Variants in TCHP observed in about 807,000 individuals in gnomAD.
TCHP encodes trichoplein keratin filament-binding protein.
A neutral mutation model predicts 88.7 loss-of-function variants in TCHP; 81 were observed. The ratio of observed to expected loss-of-function variants is 0.91; its 90% CI spans 0.76 to 1.10. The LOEUF is 1.10. Ranked by LOEUF, TCHP falls within the 50% of genes least tolerant of loss-of-function variation. The pLI is 0.00. For missense variants in TCHP, 641 were observed against 632.1 expected, an observed-to-expected ratio of 1.01 and a Z score of -0.15; for synonymous variants, 232 against 232.5, an observed-to-expected ratio of 1.00 and a Z score of 0.02.
upstream of TCHP, among the ~76,000 whole-genome samples, chr12:109,900,015 C>T (rs1334125961): frequency 2.0e-5 from 3 of 152,144 alleles, no homozygotes; most frequent in Non-Finnish European, 4.4e-5. Flanking sequence ...AGGCTGGTAT[C>T]TGGTGATTCT....
the TCHP span, among the ~76,000 whole-genome samples, chr12:109,890,300 CAAAAAAAA>C: frequency 1.1e-5 from 1 of 89,322 alleles, no homozygotes; most frequent in South Asian, 3.3e-4. Context: ...CTCATCTCTA[CAAAAAAAA>C]AAAAAAAAAA....
chr12:109,907,537 C>T lies in TCHP; in HGVS notation c.537C>T (p.Thr179=), dbSNP rs755400078. 1.4e-5 allele frequency: 23 copies of T among 1,613,928 alleles called. No homozygotes were observed. The highest frequency in any genetic ancestry group is 4.0e-5 in the African/African-American group (3 of 74,892). The part of the protein sequence containing the change: ...QKEEKKQQEA[T]AEQENKRYEN... Reference sequence around the variant, plus strand: ...TTGGTCCCTTGTAGCAAGAAGCCACCGCAGAGCAAGAGAACAAACGGTATG... The same window carrying T: ...TTGGTCCCTTGTAGCAAGAAGCCACTGCAGAGCAAGAGAACAAACGGTATG... Residue 179 remains threonine (T), a synonymous_variant, in exon 6 of 13, where the codon ACC becomes ACT. Transcript: ENST00000405876.
In TCHP at chr12:109,917,273, AT is replaced by A; in HGVS notation, c.*652del. The A allele has an allele frequency of 6.6e-6, 1 of 152,204 alleles. No homozygotes were observed. The highest frequency in any genetic ancestry group is 1.5e-5 in the Non-Finnish European group (1 of 68,066). 9.4% of individuals were successfully genotyped at this position (152,204 alleles called of 1,614,324 possible). A position where few individuals can be genotyped will look rare whatever the true frequency, so the allele number is the denominator to read the frequency against. ...CATTTTGGTAGAATTTCCATAGAGC[AT>A]TGTCTGTGAGTGACTGATCCCAACA... On this transcript the variant is annotated 3_prime_UTR_variant, in exon 13 of 13. Coordinates refer to ENST00000405876, the MANE Select transcript of TCHP (RefSeq NM_001143852.2).
At chr12:109,915,066 A>G (rs1015626492) in intron 11 of TCHP, 3 of 461,388 alleles carry the variant, frequency 6.5e-6, no homozygotes, top group Admixed American at 3.6e-5. Context: ...TACGAGGTAC[A>G]TGCCATGCAT....
upstream of TCHP, among the ~76,000 whole-genome samples, chr12:109,897,306 A>G (rs572136747): frequency 5.9e-5 from 9 of 152,344 alleles, no homozygotes; most frequent in East Asian, 1.7e-3. Flanking sequence ...TCTGGCCAGC[A>G]AAAGAGAATG....
upstream of TCHP, among the ~76,000 whole-genome samples, chr12:109,897,286 G>A (rs995420687): frequency 6.6e-5 from 10 of 152,204 alleles, no homozygotes; most frequent in African/African-American, 1.4e-4. Flanking sequence ...TGTGGGGGCC[G>A]GTGAGGATGT....
Position 109,917,668 on chromosome 12 carries a change from T to A in TCHP, c.*1045T>A, listed in dbSNP as rs985375983. ...CACCATTATATCAGCGTGATACAGG[T>A]CTACATTCATTTCTACAAACAGGAA... On this transcript the variant is annotated 3_prime_UTR_variant, in exon 13 of 13. Coordinates refer to ENST00000405876, the MANE Select transcript of TCHP (RefSeq NM_001143852.2). The A allele has an allele frequency of 1.3e-5, 2 of 152,596 alleles. No homozygotes were observed. Among genetic ancestry groups the A allele is most frequent in the Non-Finnish European group, 2.9e-5 (2 of 68,036 alleles). 9.5% of individuals were successfully genotyped at this position (152,596 alleles called of 1,614,324 possible). A position where few individuals can be genotyped will look rare whatever the true frequency, so the allele number is the denominator to read the frequency against.
upstream of TCHP, among the ~76,000 whole-genome samples, chr12:109,897,526 A>G (rs916066589): frequency 1.3e-5 from 2 of 151,368 alleles, no homozygotes; most frequent in East Asian, 1.9e-4. Context: ...CCTTGCCCCA[A>G]CTCACATATT....
the TCHP span, among the ~76,000 whole-genome samples, chr12:109,893,151 G>A: frequency 4.6e-5 from 7 of 152,212 alleles, no homozygotes; most frequent in South Asian, 8.3e-4. Flanking sequence ...AGGCTGAGGT[G>A]GGTGGATCAC....
At chr12:109,887,018 ATTG>A in the TCHP span, among the ~76,000 whole-genome samples, 2 of 152,042 alleles carry the variant, frequency 1.3e-5, no homozygotes, top group Non-Finnish European at 2.9e-5. Flanking sequence ...AGATGTGCTT[ATTG>A]TTATCGGGGT....
chr12:109,892,781 G>A, the TCHP span, among the ~76,000 whole-genome samples: 1 of 152,176 alleles, frequency 6.6e-6, no homozygotes, highest in African/African-American at 2.4e-5. Flanking sequence ...ACTACTCTAA[G>A]CCTCAGTGGG....
intron 6 of TCHP, among the ~76,000 whole-genome samples, chr12:109,908,300 C>G (rs1185361156): frequency 6.6e-6 from 1 of 152,190 alleles, no homozygotes; most frequent in Non-Finnish European, 1.5e-5. Flanking sequence ...GTCCTGACCT[C>G]CTGGTGGGGG....
rs577921605 is a variant in TCHP, at chr12:109,905,680, C to A, written c.456+887C>A. Among the ~76,000 whole-genome samples, 1 of 152,300 alleles carries A rather than the reference C, an allele frequency of 6.6e-6. No homozygotes were observed. The highest frequency in any genetic ancestry group is 2.1e-4 in the South Asian group (1 of 4,826). On this transcript the variant is annotated intron_variant, in intron 4 of 12. Coordinates refer to ENST00000405876, the MANE Select transcript of TCHP (RefSeq NM_001143852.2). The surrounding 1 kb of genome is among the most constrained non-coding windows in gnomAD (Gnocchi z 4.0). ...GGTGCCTTCGTGTTATTCGTAGTTA[C>A]ATTTAGAAATCGCCAGGCACTAAAT...
rs1870050898 is a variant in TCHP at position 109,905,043 on chromosome 12, C to T, written c.456+250C>T. ...CGGGCATGGAGATTAGACATGGTTT[C>T]TGCTCATTAGCTTGTGTCCAGCATG... On this transcript the variant is annotated intron_variant, in intron 4 of 12. Transcript: ENST00000405876. This position sits in a 1 kb window ranked among gnomAD's most constrained non-coding sequence, Gnocchi z 4.0. The T allele has an allele frequency of 2.0e-6, 1 of 504,988 alleles. No individual in the cohort carries two copies. The highest frequency in any genetic ancestry group is 3.7e-5 in the Admixed American group (1 of 27,108). 31.3% of individuals were successfully genotyped at this position (504,988 alleles called of 1,614,324 possible). A position where few individuals can be genotyped will look rare whatever the true frequency, so the allele number is the denominator to read the frequency against.
chr12:109,908,502 C>A, intron 6 of TCHP, 84 bp from the exon 7 acceptor site: 1 of 1,226,176 alleles, frequency 8.2e-7, no homozygotes, highest in Non-Finnish European at 1.2e-6. Context: ...GTAGTGTCTG[C>A]GAAAAATGGA....
the TCHP span, among the ~76,000 whole-genome samples, chr12:109,890,675 A>G: frequency 2.0e-5 from 3 of 151,894 alleles, no homozygotes; most frequent in African/African-American, 7.3e-5. Context: ...ACGCCCAGCT[A>G]ATTTTTGTAT....
intron 3 of TCHP, 146 bp from the exon 4 acceptor site, chr12:109,904,591 T>A: frequency 1.5e-6 from 1 of 678,044 alleles, no homozygotes; most frequent in Non-Finnish European, 2.5e-6. Flanking sequence ...GCTGTGCATG[T>A]GAAGCATGAG....
chr12:109,884,404 G>T, the TCHP span, among the ~76,000 whole-genome samples: 1 of 152,006 alleles, frequency 6.6e-6, no homozygotes, highest in African/African-American at 2.4e-5. Flanking sequence ...TAGCCAGGGT[G>T]GTCTGGATCT....
chr12:109,899,183 AGAAAT>A (rs994789411), upstream of TCHP, among the ~76,000 whole-genome samples: 1 of 152,232 alleles, frequency 6.6e-6, no homozygotes, highest in African/African-American at 2.4e-5. Context: ...GAAGGGAAGA[AGAAAT>A]GAAAGAATGG....
Sources: gnomAD v4.1 joint callset for allele counts (sites outside exome capture counted in the v4.1 genomes callset) on GRCh38, gnomAD v4.1.1 for gene constraint, Gnocchi (gnomAD v3.1) non-coding constraint, MANE v1.5 for transcripts, NCBI Gene and HGNC (gene_info 2026-07-23, HGNC 2026-07-21) for gene names.